The following BRAP variants were observed in gnomAD, a reference collection of about 807,000 sequenced individuals.
BRAP encodes the protein BRCA1-associated protein.
BRAP carries 42 observed loss-of-function variants against 73.4 expected under a neutral mutation model. That is an observed-to-expected ratio of 0.57 (90% CI 0.45 to 0.74). The LOEUF is 0.74. BRAP is among the 30% of genes least tolerant of loss of function. The pLI is 0.00. For missense variants in BRAP, 593 were observed against 751.4 expected, an observed-to-expected ratio of 0.79 and a Z score of 2.46; for synonymous variants, 255 against 267.4, an observed-to-expected ratio of 0.95 and a Z score of 0.45.
chr12:111,677,340 G>A (rs749478914), intron 4 of BRAP, among the ~76,000 whole-genome samples: 4 of 152,134 alleles, frequency 2.6e-5, no homozygotes, highest in Non-Finnish European at 5.9e-5. Context: ...TGCTGTCATA[G>A]AATGTCTCAC....
chr12:111,648,057 T>G (rs909673071), intron 11 of BRAP, among the ~76,000 whole-genome samples: 5 of 152,052 alleles, frequency 3.3e-5, no homozygotes, highest in African/African-American at 1.2e-4. Flanking sequence ...CCCAGCACTT[T>G]GGGAGGCTGA....
Position 111,644,438 on chromosome 12 carries a change from C to A in BRAP, c.1540G>T (p.Val514Leu). 3 of 1,614,112 alleles carry A rather than the reference C, an allele frequency of 1.9e-6. No individual in the cohort carries two copies. The highest frequency in any genetic ancestry group is 2.2e-5 in the East Asian group (1 of 44,876). The change falls in exon 12 of 12, where the codon GTG (valine) becomes TTG (leucine). Residue 514 changes from valine (V) to leucine (L), a missense_variant. By Grantham distance (32) the Val-to-Leu change is conservative. Transcript: ENST00000419234. ...TTTTGGTCACAGGTCTCCTTCAGCA[C>A]CCTCTCCTCCTCTTTTAGCTTGTTC... ...LQNKLKEEER[V>L]LKETCDQKDL...
chr12:111,680,053 G>A (rs1166385159), intron 3 of BRAP, among the ~76,000 whole-genome samples: 1 of 151,072 alleles, frequency 6.6e-6, no homozygotes, highest in Non-Finnish European at 1.5e-5. Flanking sequence ...TGACTCCTGG[G>A]TTCAAGCAAT....
intron 7 of BRAP, among the ~76,000 whole-genome samples, chr12:111,660,145 C>T (rs936904575): frequency 2.0e-5 from 3 of 151,412 alleles, no homozygotes; most frequent in Non-Finnish European, 4.4e-5. Context: ...ATGTTTAAAA[C>T]CCAACAATCA....
At chr12:111,663,696 T>C (rs896256284) in intron 6 of BRAP, among the ~76,000 whole-genome samples, 1 of 152,088 alleles carries the variant, frequency 6.6e-6, no homozygotes, top group Non-Finnish European at 1.5e-5. Context: ...TATGTCCAAG[T>C]GTAAACTCTC....
intron 2 of BRAP, among the ~76,000 whole-genome samples, chr12:111,682,524 G>GA (rs1887644551): frequency 7.0e-6 from 1 of 143,030 alleles, no homozygotes; most frequent in Non-Finnish European, 1.5e-5. Context: ...AAAAAGAAAA[G>GA]AAAGAAAGAA....
chr12:111,681,128 G>A (rs1887584059), intron 3 of BRAP, among the ~76,000 whole-genome samples: 1 of 152,148 alleles, frequency 6.6e-6, no homozygotes, highest in African/African-American at 2.4e-5. Context: ...CCAGCACTTT[G>A]GGAGGCTGAG....
intron 5 of BRAP, among the ~76,000 whole-genome samples, chr12:111,667,024 G>T (rs547213956): frequency 6.6e-6 from 1 of 152,156 alleles, no homozygotes; most frequent in East Asian, 1.9e-4. Context: ...TTTCATTTGG[G>T]TCAAGAAAAG....
At chr12:111,677,943 C>T (rs1759279115) in intron 4 of BRAP, among the ~76,000 whole-genome samples, 1 of 152,280 alleles carries the variant, frequency 6.6e-6, no homozygotes. Flanking sequence ...AGAACAGGTA[C>T]ACTCTTCCCC....
intron 7 of BRAP, among the ~76,000 whole-genome samples, chr12:111,659,688 T>C (rs1483562055): frequency 1.3e-5 from 2 of 151,378 alleles, no homozygotes; most frequent in African/African-American, 4.9e-5. Context: ...TCGATCCAGC[T>C]CACTCAGAGT....
intron 5 of BRAP, among the ~76,000 whole-genome samples, chr12:111,668,147 C>T (rs1450074106): frequency 6.6e-6 from 1 of 152,138 alleles, no homozygotes; most frequent in African/African-American, 2.4e-5. Flanking sequence ...GCATAGGCTG[C>T]AGTGAGCCGA....
At position 111,665,793 on chromosome 12, in the gene BRAP, G is replaced by A. The variant is rs1446258060; in HGVS notation, c.748-6C>T. 3.1e-6 allele frequency: 5 copies of A among 1,614,050 alleles called. No homozygotes were observed. Among genetic ancestry groups the A allele is most frequent in the South Asian group, 1.1e-5 (1 of 91,084 alleles). On this transcript the variant is annotated splice_polypyrimidine_tract_variant and splice_region_variant and intron_variant, in intron 5 of 11. Coordinates refer to ENST00000419234, the MANE Select transcript of BRAP (RefSeq NM_006768.5). This position sits in a 1 kb window ranked among gnomAD's most constrained non-coding sequence, Gnocchi z 4.3. ...ATCACTGGGAGGCTGGCGCCCTACA[G>A]GAAACACCTCACATAAGCCTCACTC...
intron 11 of BRAP, among the ~76,000 whole-genome samples, chr12:111,649,580 A>G (rs1390416686): frequency 1.3e-5 from 2 of 152,260 alleles, no homozygotes; most frequent in Non-Finnish European, 2.9e-5. Flanking sequence ...CCAAGGCCAC[A>G]GCATAGAACA....
chr12:111,670,895 T>C (rs1421585977), intron 5 of BRAP, among the ~76,000 whole-genome samples: 1 of 151,760 alleles, frequency 6.6e-6, no homozygotes, highest in Non-Finnish European at 1.5e-5. Flanking sequence ...AGATCAGAAG[T>C]TTGAGACCAG....
rs750236499 is a variant in BRAP, at chr12:111,658,802, T to G, written c.1155A>C (p.Lys385Asn). 2 of 1,613,106 alleles carry G rather than the reference T, an allele frequency of 1.2e-6. No homozygotes were observed. The highest frequency in any genetic ancestry group is 2.2e-5 in the South Asian group (2 of 91,020). ...HRLVASKTDG[K>N]IVQYECEGDT... is the part of the protein sequence containing the mutation. ...CCCCCTCACATTCATACTGTACTAT[T>G]TTTCCATCTGTTTTACTTGCAACCA... Residue 385 changes from lysine to asparagine, a missense_variant, in exon 9 of 12, where the codon AAA becomes AAC. Lys to Asn is a moderately conservative substitution (Grantham distance 94). Around this residue, in one of 4 missense-constraint regions of BRAP, gnomAD observed 143 missense variants for 190.4 expected, o/e 0.75. Coordinates refer to ENST00000419234, the MANE Select transcript of BRAP (RefSeq NM_006768.5).
intron 5 of BRAP, among the ~76,000 whole-genome samples, chr12:111,668,945 G>A (rs1466452507): frequency 2.0e-5 from 3 of 151,964 alleles, no homozygotes; most frequent in Non-Finnish European, 2.9e-5. Context: ...GAGCCACTGC[G>A]TCTGGCCAAA....
At chr12:111,685,643 C>T in intron 1 of BRAP, 68 bp downstream of exon 1, 3 of 1,519,452 alleles carry the variant, frequency 2.0e-6, no homozygotes, top group Non-Finnish European at 2.6e-6. Flanking sequence ...CGGGCCAGTG[C>T]TTTGGGAAGG....
intron 4 of BRAP, among the ~76,000 whole-genome samples, chr12:111,676,385 T>C (rs1887382589): frequency 6.6e-6 from 1 of 152,146 alleles, no homozygotes; most frequent in Non-Finnish European, 1.5e-5. Context: ...AAGTGACTTA[T>C]CTGTGCCTGT....
intron 10 of BRAP, among the ~76,000 whole-genome samples, chr12:111,654,236 TG>T (rs949230141): frequency 6.6e-6 from 1 of 152,104 alleles, no homozygotes; most frequent in African/African-American, 2.4e-5. Flanking sequence ...TGAGTGCCAC[TG>T]GAAGGGCACA....
Sources: gnomAD v4.1 joint callset for allele counts (sites outside exome capture counted in the v4.1 genomes callset) on GRCh38, gnomAD v4.1.1 for gene constraint, gnomAD v4.1.1 regional missense constraint, Gnocchi (gnomAD v3.1) non-coding constraint, MANE v1.5 for transcripts, NCBI Gene and HGNC (gene_info 2026-07-23, HGNC 2026-07-21) for gene names.